The following CCN4 variants were observed in gnomAD, a reference collection of about 807,000 sequenced individuals.
The protein encoded by CCN4 is cellular communication network factor 4.
CCN4 carries 30 observed loss-of-function variants against 36.7 expected under a neutral mutation model. The ratio of observed to expected loss-of-function variants is 0.82; its 90% confidence interval spans 0.61 to 1.11. CCN4 has a LOEUF of 1.11. CCN4 is among the 50% of genes least tolerant of loss of function. The pLI, the probability that CCN4 is intolerant of heterozygous loss-of-function variation, is 0.00. For synonymous variants in CCN4, 191 were observed against 195.4 expected (o/e 0.98, Z 0.19); for missense variants, 505 against 504.9 (o/e 1.00, Z 0.00).
intron 2 of CCN4, among the ~76,000 whole-genome samples, chr8:133,220,067 T>A (rs1564264741): frequency 6.6e-6 from 1 of 151,978 alleles, no homozygotes; most frequent in Non-Finnish European, 1.5e-5. Context: ...CCATATGACC[T>A]TTCCACAGCA....
intron 1 of CCN4, among the ~76,000 whole-genome samples, chr8:133,193,376 G>A (rs1853183992): frequency 6.6e-6 from 1 of 152,240 alleles, no homozygotes; most frequent in African/African-American, 2.4e-5. Context: ...GAAGGAGGAA[G>A]ATGGCAGCCC....
chr8:133,209,628 G>A (rs2130566668), intron 1 of CCN4, among the ~76,000 whole-genome samples: 1 of 152,338 alleles, frequency 6.6e-6, no homozygotes, highest in African/African-American at 2.4e-5. Context: ...TTTAACTTGG[G>A]ATGGAGACAG....
chr8:133,202,105 C>T (rs1376319634), intron 1 of CCN4, among the ~76,000 whole-genome samples: 1 of 152,180 alleles, frequency 6.6e-6, no homozygotes, highest in African/African-American at 2.4e-5. Context: ...AGCATTCTTT[C>T]CCCTGCTCAG....
intron 2 of CCN4, among the ~76,000 whole-genome samples, chr8:133,217,722 A>G (rs1259962445): frequency 6.6e-6 from 1 of 152,054 alleles, no homozygotes. Flanking sequence ...GAGATCAACA[A>G]AAGAAGAATA....
At chr8:133,205,516 T>G (rs908806520) in intron 1 of CCN4, among the ~76,000 whole-genome samples, 1 of 152,174 alleles carries the variant, frequency 6.6e-6, no homozygotes, top group East Asian at 1.9e-4. Context: ...AAGATCATTT[T>G]CTCCATCTGC....
At chr8:133,204,402 A>G (rs1388864089) in intron 1 of CCN4, among the ~76,000 whole-genome samples, 3 of 152,208 alleles carry the variant, frequency 2.0e-5, no homozygotes, top group Admixed American at 2.0e-4. Context: ...AGATGTTAAA[A>G]AAGGAAGATG....
intron 2 of CCN4, among the ~76,000 whole-genome samples, chr8:133,219,589 C>A (rs35784897): frequency 0.11 from 16,947 of 152,232 alleles, 1,450 homozygotes; most frequent in East Asian, 0.49. Flanking sequence ...TCTAGAATAC[C>A]AACTTTGAAA....
intron 1 of CCN4, among the ~76,000 whole-genome samples, chr8:133,192,160 A>G (rs565417762): frequency 6.6e-6 from 1 of 152,310 alleles, no homozygotes; most frequent in South Asian, 2.1e-4. Context: ...AAGAGTGTTT[A>G]TCCCCAAATG....
intron 1 of CCN4, among the ~76,000 whole-genome samples, chr8:133,208,170 C>T (rs1399578179): frequency 6.6e-6 from 1 of 152,142 alleles, no homozygotes; most frequent in African/African-American, 2.4e-5. Context: ...GTGCAGAAGA[C>T]AAATGAGATC....
chr8:133,213,136 G>T lies in CCN4; in HGVS notation c.342G>T (p.Val114=). 5.8e-6 allele frequency: 9 copies of T among 1,551,454 alleles called. No individual in the cohort carries two copies. Among genetic ancestry groups the T allele is most frequent in the Non-Finnish European group, 7.8e-6 (9 of 1,153,554 alleles). The change falls in exon 2 of 5, where the codon GTG becomes GTT. Residue 114 remains valine, a synonymous_variant. Coordinates refer to ENST00000250160, the MANE Select transcript of CCN4 (RefSeq NM_003882.4). ...ACCGCCCGAGGTACGCAATAGGAGT[G>T]TGTGCACGTAAGTGAGTCCTCCATA... ...SGDRPRYAIG[V]CAQVVGVGCV...
chr8:133,205,208 C>T lies in CCN4; in HGVS notation c.70-7656C>T, dbSNP rs920153732. Among the ~76,000 whole-genome samples, 7 of 152,292 alleles carry T rather than the reference C, an allele frequency of 4.6e-5. No homozygotes were observed. In the East Asian group the frequency reaches 9.7e-4, roughly 21 times the overall value. Reference sequence around the variant, plus strand: ...CTGGGCATCTTGCCAGCAGAAGCACCGCAGAGTGGCCACCACCTCTGTCTT... The same window carrying T: ...CTGGGCATCTTGCCAGCAGAAGCACTGCAGAGTGGCCACCACCTCTGTCTT... On this transcript the variant is annotated intron_variant, in intron 1 of 4. Coordinates refer to ENST00000250160, the MANE Select transcript of CCN4 (RefSeq NM_003882.4).
rs116469166 is a variant in CCN4, at chr8:133,204,354, G to A, written c.70-8510G>A. ...TGTGTGAAAGCAGCTTAGCAGTGTC[G>A]GTGGGTAATGAACATGGGTGTGGGT... On this transcript the variant is annotated intron_variant, in intron 1 of 4. Coordinates refer to ENST00000250160, the MANE Select transcript of CCN4 (RefSeq NM_003882.4). Among the ~76,000 whole-genome samples the A allele has an allele frequency of 2.3e-3, 350 of 152,266 alleles. 2 individuals are homozygous for A. Among genetic ancestry groups the A allele is most frequent in the African/African-American group, 8.1e-3 (336 of 41,550 alleles).
rs150347257 is a variant in CCN4 at position 133,227,503 on chromosome 8, G to A, written c.897G>A (p.Lys299=). ...GCISTRSYQP[K]YCGVCMDNRC... ...TCAGCACACGCTCCTATCAACCCAAGTACTGTGGAGTTTGCATGGACAATA... is the reference window on the plus strand; with the variant it reads ...TCAGCACACGCTCCTATCAACCCAAATACTGTGGAGTTTGCATGGACAATA... Residue 299 remains lysine, a synonymous_variant, in exon 5 of 5, where the codon AAG becomes AAA. Coordinates refer to ENST00000250160, the MANE Select transcript of CCN4 (RefSeq NM_003882.4). The A allele has an allele frequency of 6.1e-4, 983 of 1,614,184 alleles. 7 individuals carry two copies. The East Asian group carries it at 0.015, about 24-fold the overall frequency.
At chr8:133,208,792 C>A (rs1282588564) in intron 1 of CCN4, among the ~76,000 whole-genome samples, 2 of 152,186 alleles carry the variant, frequency 1.3e-5, no homozygotes, top group Non-Finnish European at 2.9e-5. Context: ...CCCAGCCACT[C>A]CCCTGTCATC....
intron 2 of CCN4, among the ~76,000 whole-genome samples, chr8:133,217,263 A>C (rs1450584902): frequency 2.0e-5 from 3 of 152,214 alleles, no homozygotes; most frequent in Non-Finnish European, 4.4e-5. Flanking sequence ...TAAGTGAGGC[A>C]GCAAAAACAA....
chr8:133,199,960 A>G (rs920263119), intron 1 of CCN4, among the ~76,000 whole-genome samples: 1 of 152,078 alleles, frequency 6.6e-6, no homozygotes, highest in African/African-American at 2.4e-5. Flanking sequence ...AGGCGCCGAG[A>G]GTTTTACGCA....
At chr8:133,216,500 C>T (rs769704198) in intron 2 of CCN4, among the ~76,000 whole-genome samples, 3 of 152,128 alleles carry the variant, frequency 2.0e-5, no homozygotes, top group Non-Finnish European at 4.4e-5. Context: ...TCAAGAGAAT[C>T]CAGGTACATA....
At chr8:133,217,751 C>G (rs1438105369) in intron 2 of CCN4, among the ~76,000 whole-genome samples, 1 of 152,100 alleles carries the variant, frequency 6.6e-6, no homozygotes, top group African/African-American at 2.4e-5. Context: ...CAGGTTCACC[C>G]CCATATTCTG....
chr8:133,203,147 C>A (rs1026463371), intron 1 of CCN4, among the ~76,000 whole-genome samples: 2 of 152,210 alleles, frequency 1.3e-5, no homozygotes, highest in Admixed American at 6.5e-5. Context: ...ACACTGCTCA[C>A]GGAGCACTTG....
Sources: gnomAD v4.1 joint callset for allele counts (sites outside exome capture counted in the v4.1 genomes callset) on GRCh38, gnomAD v4.1.1 for gene constraint, MANE v1.5 for transcripts, NCBI Gene and HGNC (gene_info 2026-07-23, HGNC 2026-07-21) for gene names.